The following SPATA6 variants were observed in gnomAD, a reference collection of about 807,000 sequenced individuals.
SPATA6 encodes the protein spermatogenesis associated 6.
Under a neutral mutation model 65.3 loss-of-function variants are expected in SPATA6, and 56 were observed. That is an observed-to-expected ratio of 0.86 (90% CI 0.69 to 1.07). The LOEUF (loss-of-function observed/expected upper bound fraction) is 1.07, where lower values mean the gene tolerates loss of function less well. SPATA6 is among the 50% of genes least tolerant of loss of function. The pLI, the probability that SPATA6 is intolerant of heterozygous loss-of-function variation, is 0.00. For missense variants in SPATA6, 590 were observed against 594.8 expected (o/e 0.99, Z 0.08); for synonymous variants, 199 against 213.2 (o/e 0.93, Z 0.58).
At chr1:48,434,259 G>GAAAA (rs530291772) in intron 3 of SPATA6, among the ~76,000 whole-genome samples, 15 of 109,892 alleles carry the variant, frequency 1.4e-4, no homozygotes, top group Non-Finnish European at 1.8e-4. Context: ...AGCAGTGAAA[G>GAAAA]AAAAAAAAAA....
At chr1:48,269,976 T>C in the SPATA6 span, among the ~76,000 whole-genome samples, 4 of 152,262 alleles carry the variant, frequency 2.6e-5, no homozygotes, top group South Asian at 6.2e-4. Flanking sequence ...CTCAATTCTA[T>C]GGCAGCTGTT....
At chr1:48,333,752 C>T (rs1166187772) in intron 11 of SPATA6, among the ~76,000 whole-genome samples, 1 of 152,002 alleles carries the variant, frequency 6.6e-6, no homozygotes, top group African/African-American at 2.4e-5. Context: ...CAAGAGCAAA[C>T]AAACTCTAAA....
chr1:48,456,850 T>A (rs1165532680), intron 1 of SPATA6, among the ~76,000 whole-genome samples: 1 of 151,934 alleles, frequency 6.6e-6, no homozygotes, highest in Non-Finnish European at 1.5e-5. Context: ...GAAGGAAAAA[T>A]GAACAGAGTT....
intron 5 of SPATA6, among the ~76,000 whole-genome samples, chr1:48,404,134 T>A (rs1212136925): frequency 6.6e-6 from 1 of 152,166 alleles, no homozygotes; most frequent in Non-Finnish European, 1.5e-5. Context: ...TTTTCATTTT[T>A]AAGTATTTCC....
At chr1:48,450,804 G>A (rs181065329) in intron 3 of SPATA6, among the ~76,000 whole-genome samples, 4 of 152,128 alleles carry the variant, frequency 2.6e-5, no homozygotes, top group African/African-American at 7.2e-5. Context: ...TGCTGAAGTC[G>A]CAATGGGGCC....
chr1:48,471,413 T>A (rs1658235284), intron 1 of SPATA6, among the ~76,000 whole-genome samples: 1 of 151,990 alleles, frequency 6.6e-6, no homozygotes, highest in Admixed American at 6.6e-5. Flanking sequence ...GAAGGCAAGG[T>A]ACTTTGCGCA....
intron 11 of SPATA6, among the ~76,000 whole-genome samples, chr1:48,334,956 G>C (rs1236933526): frequency 6.6e-6 from 1 of 152,068 alleles, no homozygotes; most frequent in Non-Finnish European, 1.5e-5. Flanking sequence ...CAAAATCAAT[G>C]TACAAAAATC....
chr1:48,448,691 A>G (rs1557723215), intron 3 of SPATA6, among the ~76,000 whole-genome samples: 1 of 152,240 alleles, frequency 6.6e-6, no homozygotes, highest in South Asian at 2.1e-4. Context: ...ATACAACAGA[A>G]TACTATTCAG....
In SPATA6 at chr1:48,337,453, T is replaced by C. The variant is rs191898798; in HGVS notation, c.1194+18217A>G. Among the ~76,000 whole-genome samples the C allele has an allele frequency of 1.3e-4, 20 of 152,026 alleles. No individual in the cohort carries two copies. In the East Asian group the frequency reaches 3.5e-3, roughly 26 times the overall value. On this transcript the variant is annotated intron_variant, in intron 11 of 12. Coordinates refer to ENST00000371847, the MANE Select transcript of SPATA6 (RefSeq NM_019073.4). ...AATTATAAAAACCTTTCATCTTTCA[T>C]GTTGAATAAGACAAGAAACTGTCTA... is the stretch of plus-strand genomic sequence containing the variant.
chr1:48,368,376 A>G (rs1039119864), intron 9 of SPATA6, among the ~76,000 whole-genome samples: 1 of 152,216 alleles, frequency 6.6e-6, no homozygotes, highest in African/African-American at 2.4e-5. Context: ...CCTGGATAAT[A>G]TCCTGCAGAG....
chr1:48,388,240 CA>C (rs144410111), intron 8 of SPATA6, among the ~76,000 whole-genome samples: 2 of 147,028 alleles, frequency 1.4e-5, no homozygotes, highest in Non-Finnish European at 3.0e-5. Flanking sequence ...TGCTTATAAA[CA>C]AAAAAAAAAT....
the SPATA6 span, among the ~76,000 whole-genome samples, chr1:48,282,206 C>T: frequency 3.3e-5 from 5 of 152,224 alleles, no homozygotes; most frequent in South Asian, 2.1e-4. Flanking sequence ...AAGACTTAAA[C>T]GTTAGACCTA....
the SPATA6 span, among the ~76,000 whole-genome samples, chr1:48,281,285 G>A: frequency 6.6e-6 from 1 of 151,158 alleles, no homozygotes; most frequent in Non-Finnish European, 1.5e-5. Context: ...AGACAGGGAT[G>A]CCCTCTCTCA....
rs1433825322 is a variant in SPATA6, at chr1:48,355,722, T to A, written c.1142A>T (p.Asp381Val). ...TGATTTCAAGACATTTTTTACCCGG[T>A]CATGGATCTCATCGCAGTTTGAAGG... ...CSPSNCDEIH[D>V]RVKNVLKSHQ... Residue 381 changes from aspartate (D) to valine (V), a missense_variant, in exon 11 of 13, where the codon GAC becomes GTC. Asp to Val is a radical substitution (Grantham distance 152). Coordinates refer to ENST00000371847, the MANE Select transcript of SPATA6 (RefSeq NM_019073.4). 6.2e-7 allele frequency: 1 copy of A among 1,613,236 alleles called. No individual in the cohort carries two copies. Among genetic ancestry groups the A allele is most frequent in the Non-Finnish European group, 8.5e-7 (1 of 1,179,528 alleles).
At chr1:48,342,289 A>G (rs1258453505) in intron 11 of SPATA6, among the ~76,000 whole-genome samples, 1 of 152,180 alleles carries the variant, frequency 6.6e-6, no homozygotes, top group Non-Finnish European at 1.5e-5. Flanking sequence ...TGTTGACTGC[A>G]GCTATACAGC....
the SPATA6 span, among the ~76,000 whole-genome samples, chr1:48,265,977 G>C: frequency 1.2e-4 from 18 of 152,264 alleles, no homozygotes; most frequent in Non-Finnish European, 8.8e-5. Context: ...ATTATGCATG[G>C]TGAGTAGATT....
intron 12 of SPATA6, among the ~76,000 whole-genome samples, chr1:48,299,204 C>G (rs1340338101): frequency 1.3e-5 from 2 of 151,936 alleles, no homozygotes; most frequent in African/African-American, 4.8e-5. Context: ...TTATACTGGC[C>G]TGGTATGGCC....
intron 11 of SPATA6, among the ~76,000 whole-genome samples, chr1:48,310,344 C>T (rs546744216): frequency 6.6e-6 from 1 of 152,262 alleles, no homozygotes; most frequent in East Asian, 1.9e-4. Flanking sequence ...TCTAACAGTG[C>T]CTGCCAAAAT....
chr1:48,398,949 C>T (rs144428602), intron 7 of SPATA6: 158 of 154,912 alleles, frequency 1.0e-3, no homozygotes, highest in Non-Finnish European at 1.9e-3. Context: ...ACTTACTTTC[C>T]ATTTTAATTT....
Sources: gnomAD v4.1 joint callset for allele counts (sites outside exome capture counted in the v4.1 genomes callset) on GRCh38, gnomAD v4.1.1 for gene constraint, MANE v1.5 for transcripts, NCBI Gene and HGNC (gene_info 2026-07-23, HGNC 2026-07-21) for gene names.